CALN1: variants seen among roughly 807,000 people sequenced by gnomAD.
The protein encoded by CALN1 is calcium-binding protein 8.
A neutral mutation model predicts 30.6 loss-of-function variants in CALN1; 17 were observed. The ratio of observed to expected loss-of-function variants is 0.56; its 90% CI spans 0.38 to 0.83. The LOEUF is 0.83. Ranked by LOEUF, CALN1 falls within the 40% of genes least tolerant of loss-of-function variation. The probability of loss-of-function intolerance (pLI) is 0.00; values close to 1 mark genes in which losing one functional copy is unlikely to be tolerated. For missense variants in CALN1, 291 were observed against 354.9 expected (o/e 0.82, Z 1.45); for synonymous variants, 156 against 131.4 (o/e 1.19, Z -1.28).
intron 4 of CALN1, among the ~76,000 whole-genome samples, chr7:72,037,315 A>G (rs1801860583): frequency 6.6e-6 from 1 of 151,790 alleles, no homozygotes; most frequent in Non-Finnish European, 1.5e-5. Flanking sequence ...CACCGCAGCT[A>G]ATTTTTTTGT....
At chr7:72,104,681 G>A (rs370304678) in intron 4 of CALN1, among the ~76,000 whole-genome samples, 46 of 152,218 alleles carry the variant, frequency 3.0e-4, no homozygotes, top group South Asian at 1.0e-3. Context: ...AATTTAGGCC[G>A]GGCGCGCTGG....
intron 1 of CALN1, among the ~76,000 whole-genome samples, chr7:72,432,222 T>C (rs960777983): frequency 6.6e-6 from 1 of 152,216 alleles, no homozygotes; most frequent in African/African-American, 2.4e-5. Context: ...GCAGTTCTCC[T>C]GCCTACACTC....
intron 2 of CALN1, among the ~76,000 whole-genome samples, chr7:72,296,763 G>T: frequency 6.7e-6 from 1 of 150,292 alleles, no homozygotes; most frequent in African/African-American, 2.5e-5. Flanking sequence ...TTTTTTATTA[G>T]TCTTGCTAGC....
At chr7:72,229,778 G>A (rs1488994037) in intron 3 of CALN1, among the ~76,000 whole-genome samples, 1 of 151,902 alleles carries the variant, frequency 6.6e-6, no homozygotes, top group Non-Finnish European at 1.5e-5. Flanking sequence ...ACCGGGGCCT[G>A]TCGGAGGGTG....
intron 5 of CALN1, among the ~76,000 whole-genome samples, chr7:71,821,675 G>A (rs2116323164): frequency 6.6e-6 from 1 of 152,012 alleles, no homozygotes; most frequent in South Asian, 2.1e-4. Flanking sequence ...ATTATACACG[G>A]TCTTTAAAAA....
At chr7:72,162,311 T>C (rs935250966) in intron 3 of CALN1, among the ~76,000 whole-genome samples, 3 of 152,102 alleles carry the variant, frequency 2.0e-5, no homozygotes, top group African/African-American at 7.2e-5. Context: ...CTTATCAGAC[T>C]AACCCTCCTA....
Position 72,123,111 on chromosome 7 carries a change from T to C in CALN1, c.245-16817A>G, listed in dbSNP as rs531983519. On this transcript the variant is annotated intron_variant, in intron 3 of 6. Coordinates refer to ENST00000395275, the MANE Select transcript of CALN1 (RefSeq NM_031468.4). The stretch of plus-strand genomic sequence containing the variant: ...TTTACCACTGTTGCAGTGACCCCGA[T>C]AGAACAAGAGGACAGCGATGGTCAC... Among the ~76,000 whole-genome samples the C allele has an allele frequency of 7.2e-5, 11 of 152,284 alleles. No individual in the cohort carries two copies. The East Asian group carries it at 9.7e-4, about 13-fold the overall frequency.
chr7:72,107,855 C>T (rs1002488486), intron 3 of CALN1, among the ~76,000 whole-genome samples: 6 of 152,234 alleles, frequency 3.9e-5, no homozygotes, highest in Admixed American at 6.5e-5. Flanking sequence ...CCACTCAGCT[C>T]GACTCCACTC....
Position 72,391,632 on chromosome 7 carries a change from A to C in CALN1, c.119+11619T>G, listed in dbSNP as rs557983510. Among the ~76,000 whole-genome samples, 3 of 152,354 alleles carry C rather than the reference A, an allele frequency of 2.0e-5. No individual in the cohort carries two copies. In the South Asian group the frequency reaches 6.2e-4, roughly 32 times the overall value. ...TTGAATCATGGAGGGGGTTTCCCTC[A>C]TACTGTTCTCGTGGTAGTGAGTAGG... On this transcript the variant is annotated intron_variant, in intron 2 of 6. Coordinates refer to ENST00000395275, the MANE Select transcript of CALN1 (RefSeq NM_031468.4).
At chr7:72,114,152 G>C (rs561705427) in intron 3 of CALN1, among the ~76,000 whole-genome samples, 34 of 151,154 alleles carry the variant, frequency 2.2e-4, no homozygotes, top group African/African-American at 8.0e-4. Context: ...AGGCTGAGGT[G>C]GGTGGAACAC....
the CALN1 span, among the ~76,000 whole-genome samples, chr7:72,485,946 G>A: frequency 6.6e-6 from 1 of 152,124 alleles, no homozygotes; most frequent in Non-Finnish European, 1.5e-5. Flanking sequence ...GTGAGCATAT[G>A]TTCTTTTTTA....
At chr7:72,299,996 T>TC in intron 2 of CALN1, among the ~76,000 whole-genome samples, 1 of 152,288 alleles carries the variant, frequency 6.6e-6, no homozygotes, top group East Asian at 1.9e-4. Flanking sequence ...TTCTCCTGCC[T>TC]CAGCCTCTGA....
chr7:72,388,448 C>T (rs1266528921), intron 2 of CALN1, among the ~76,000 whole-genome samples: 1 of 151,924 alleles, frequency 6.6e-6, no homozygotes, highest in African/African-American at 2.4e-5. Flanking sequence ...AGTACAAACC[C>T]GAGGAAATCT....
At chr7:72,253,969 G>A (rs545563372) in intron 3 of CALN1, among the ~76,000 whole-genome samples, 16 of 152,234 alleles carry the variant, frequency 1.1e-4, no homozygotes, top group African/African-American at 2.6e-4. Context: ...TCAAACTCCT[G>A]GCCTCAAGTG....
chr7:72,037,749 C>T (rs545913708), intron 4 of CALN1, among the ~76,000 whole-genome samples: 1 of 151,952 alleles, frequency 6.6e-6, no homozygotes, highest in African/African-American at 2.4e-5. Flanking sequence ...GGGGAGCTGT[C>T]TTTACCACCC....
rs1400998147 is a variant in CALN1, at chr7:71,818,781, C to T, written c.502-8289G>A. Among the ~76,000 whole-genome samples the T allele has an allele frequency of 3.9e-5, 6 of 151,962 alleles. No individual in the cohort carries two copies. In the South Asian group the frequency reaches 1.2e-3, roughly 32 times the overall value. On this transcript the variant is annotated intron_variant, in intron 5 of 6. Coordinates refer to ENST00000395275, the MANE Select transcript of CALN1 (RefSeq NM_031468.4). Reference sequence around the variant, plus strand: ...CTGGAGTGCAGTGGTGCGGTCTCAGCTCACTGCAACCTCCACCTCCTGGGT... The same window carrying T: ...CTGGAGTGCAGTGGTGCGGTCTCAGTTCACTGCAACCTCCACCTCCTGGGT...
intron 5 of CALN1, among the ~76,000 whole-genome samples, chr7:71,984,454 A>G (rs1798559601): frequency 6.6e-6 from 1 of 152,210 alleles, no homozygotes; most frequent in Non-Finnish European, 1.5e-5. Context: ...AAATAGCAAG[A>G]ATGATGTTAT....
At chr7:71,797,480 A>G (rs756448353) in intron 6 of CALN1, among the ~76,000 whole-genome samples, 4 of 152,214 alleles carry the variant, frequency 2.6e-5, no homozygotes, top group Non-Finnish European at 5.9e-5. Flanking sequence ...AGAAATGCCC[A>G]GGTACCCAAA....
upstream of CALN1, among the ~76,000 whole-genome samples, chr7:72,450,121 A>C (rs895724254): frequency 2.0e-5 from 3 of 151,644 alleles, no homozygotes; most frequent in South Asian, 4.2e-4. Flanking sequence ...CAGGAGGATC[A>C]CTTGATCCCA....
Sources: gnomAD v4.1 joint callset for allele counts (sites outside exome capture counted in the v4.1 genomes callset) on GRCh38, gnomAD v4.1.1 for gene constraint, MANE v1.5 for transcripts, NCBI Gene and HGNC (gene_info 2026-07-23, HGNC 2026-07-21) for gene names.